SASH1: variants seen among roughly 807,000 people sequenced by gnomAD.
The protein encoded by SASH1 is SAM and SH3 domain containing 1.
SASH1 carries 44 observed loss-of-function variants against 125.2 expected under a neutral mutation model. That is an observed-to-expected ratio of 0.35 (90% CI 0.28 to 0.45). The LOEUF (loss-of-function observed/expected upper bound fraction) is 0.45. Ranked by LOEUF, SASH1 falls within the 20% of genes least tolerant of loss-of-function variation. The pLI is 1.00. For missense variants in SASH1, 1,426 were observed against 1,614.5 expected (o/e 0.88, Z 2.00); for synonymous variants, 639 against 649.1 (o/e 0.98, Z 0.24).
intron 1 of SASH1, among the ~76,000 whole-genome samples, chr6:148,349,424 C>T (rs9390560): frequency 0.23 from 34,734 of 151,514 alleles, 4,430 homozygotes; most frequent in South Asian, 0.35. Context: ...CCACCATGCC[C>T]GGCTAATTTT....
upstream of SASH1, among the ~76,000 whole-genome samples, chr6:148,271,678 G>A (rs1368074884): frequency 1.3e-5 from 2 of 152,140 alleles, no homozygotes; most frequent in Non-Finnish European, 2.9e-5. Flanking sequence ...TTGAAGCCTG[G>A]CATATCAGCC....
intron 2 of SASH1, among the ~76,000 whole-genome samples, chr6:148,400,889 C>A (rs56126823): frequency 6.6e-6 from 1 of 152,118 alleles, no homozygotes; most frequent in African/African-American, 2.4e-5. Flanking sequence ...TCTTTTCTTT[C>A]GGTTTGGAAG....
chr6:148,239,481 T>C, the SASH1 span, among the ~76,000 whole-genome samples: 3 of 152,196 alleles, frequency 2.0e-5, no homozygotes, highest in South Asian at 6.2e-4. Context: ...CTGGCTTAGC[T>C]TTTGAAACCT....
chr6:148,524,539 A>G (rs1781020562), intron 10 of SASH1: 1 of 151,840 alleles, frequency 6.6e-6, no homozygotes, highest in African/African-American at 2.4e-5. Context: ...TTCATTCTTT[A>G]TAACATCAGC....
chr6:148,418,321 A>G (rs542247607), intron 2 of SASH1, among the ~76,000 whole-genome samples: 2 of 152,338 alleles, frequency 1.3e-5, no homozygotes, highest in Admixed American at 6.5e-5. Flanking sequence ...TACTCGGGAT[A>G]AACAAGGACA....
At chr6:148,390,348 C>A in intron 2 of SASH1, 86 bp downstream of exon 2, 2 of 1,329,570 alleles carry the variant, frequency 1.5e-6, no homozygotes, top group South Asian at 1.3e-5. Flanking sequence ...AGTGCTAGCT[C>A]TTCCTGGGGT....
Position 148,449,078 on chromosome 6 carries a change from C to CTTTTTTTTTTTTT in SASH1, c.386+8674_386+8686dup. On this transcript the variant is annotated intron_variant, in intron 4 of 19. Coordinates refer to ENST00000367467, the MANE Select transcript of SASH1 (RefSeq NM_015278.5). Reference sequence around the variant, plus strand: ...GAGACTGGCTAATTTCATTTCATTTCTTTTTTTTTTTTTTTGGAGACAGAG... The same window carrying CTTTTTTTTTTTTT: ...GAGACTGGCTAATTTCATTTCATTTCTTTTTTTTTTTTTTTTTTTTTTTTTTTTGGAGACAGAG... 5.2e-4 allele frequency among the ~76,000 whole-genome samples: 46 copies of CTTTTTTTTTTTTT among 88,666 alleles called. 2 individuals are homozygous for CTTTTTTTTTTTTT. The highest frequency in any genetic ancestry group is 1.1e-3 in the South Asian group (3 of 2,850). The allele number at this position is 88,666 out of a possible 152,430, so 58.2% of individuals were successfully genotyped here. A position where few individuals can be genotyped will look rare whatever the true frequency, so the allele number is the denominator to read the frequency against.
intron 1 of SASH1, among the ~76,000 whole-genome samples, chr6:148,381,613 C>CTTTCTTT (rs1359800422): frequency 3.0e-5 from 2 of 67,192 alleles, no homozygotes; most frequent in Non-Finnish European, 5.7e-5. Flanking sequence ...GCCTTTCTTG[C>CTTTCTTT]TTTCTTTTTT....
At chr6:148,406,988 G>C (rs1257930634) in intron 2 of SASH1, among the ~76,000 whole-genome samples, 1 of 152,224 alleles carries the variant, frequency 6.6e-6, no homozygotes, top group Non-Finnish European at 1.5e-5. Flanking sequence ...TCCATGGCAG[G>C]AGTGGTATAG....
intron 10 of SASH1, among the ~76,000 whole-genome samples, chr6:148,522,967 A>G (rs2115364865): frequency 6.6e-6 from 1 of 152,388 alleles, no homozygotes; most frequent in African/African-American, 2.4e-5. Flanking sequence ...AAAAGAATCA[A>G]TTCCAGATAT....
chr6:148,465,397 C>T (rs953224139), intron 4 of SASH1, among the ~76,000 whole-genome samples: 1 of 151,916 alleles, frequency 6.6e-6, no homozygotes, highest in Non-Finnish European at 1.5e-5. Context: ...ACTAAAAATA[C>T]AAAAATTAGC....
intron 1 of SASH1, among the ~76,000 whole-genome samples, chr6:148,327,245 A>T (rs1780854866): frequency 6.6e-6 from 1 of 151,886 alleles, no homozygotes; most frequent in South Asian, 2.1e-4. Flanking sequence ...GAACGGACGA[A>T]TGAATGAATG....
At chr6:148,527,721 C>T (rs1483667066) in intron 12 of SASH1, 125 bp downstream of exon 12, 11 of 926,524 alleles carry the variant, frequency 1.2e-5, no homozygotes, top group East Asian at 8.0e-5. Context: ...GCTCCAAGTC[C>T]GTGCTTTATT....
At chr6:148,297,094 TCTGGAAGAGCA>T (rs765415251) in intron 1 of SASH1, among the ~76,000 whole-genome samples, 3 of 152,172 alleles carry the variant, frequency 2.0e-5, no homozygotes, top group Non-Finnish European at 4.4e-5. Context: ...CCAGAAAACT[TCTGGAAGAGCA>T]CCCTGAAGAG....
At chr6:148,480,344 A>G (rs1347927159) in intron 7 of SASH1, 2 of 152,162 alleles carry the variant, frequency 1.3e-5, no homozygotes, top group East Asian at 3.8e-4. Flanking sequence ...AAAAAAAGAA[A>G]GATTGAAACT....
intron 16 of SASH1, among the ~76,000 whole-genome samples, chr6:148,539,653 A>C (rs988197643): frequency 1.3e-5 from 2 of 152,212 alleles, no homozygotes; most frequent in African/African-American, 4.8e-5. Flanking sequence ...GCAAGCATGT[A>C]TCTGTTACTC....
chr6:148,354,475 G>GT lies in SASH1; in HGVS notation c.156+11260dup, dbSNP rs71814339. On this transcript the variant is annotated intron_variant, in intron 1 of 19. Transcript: ENST00000367467. ...GTTTTTATAATCCTGATTTTTTTGT[G>GT]TTTTTTTTGTTTTGTTTTGTAGACT... 1.1e-3 allele frequency among the ~76,000 whole-genome samples: 164 copies of GT among 151,520 alleles called. 1 individual carries two copies. The highest frequency in any genetic ancestry group is 3.2e-3 in the African/African-American group (133 of 41,352).
chr6:148,535,891 G>GAATT (rs1335773451), intron 16 of SASH1, among the ~76,000 whole-genome samples: 2 of 152,140 alleles, frequency 1.3e-5, no homozygotes, highest in East Asian at 1.9e-4. Flanking sequence ...GTGGAAAAAA[G>GAATT]AATTATACAT....
chr6:148,328,194 G>A (rs1780892732), intron 1 of SASH1, among the ~76,000 whole-genome samples: 1 of 152,092 alleles, frequency 6.6e-6, no homozygotes, highest in South Asian at 2.1e-4. Flanking sequence ...GGCGTGCTGT[G>A]CCTGGCTATT....
Sources: allele counts gnomAD v4.1 joint callset (sites outside exome capture counted in the v4.1 genomes callset), GRCh38; gene constraint gnomAD v4.1.1; transcripts MANE v1.5; gene names NCBI Gene and HGNC (gene_info 2026-07-23, HGNC 2026-07-21).